NRXN1: variants seen among roughly 807,000 people sequenced by gnomAD.
NRXN1 encodes the protein neurexin 1, also known as neurexin-1.
In NRXN1, 39 loss-of-function variants were observed where a neutral mutation model predicts 150.9. That is an observed-to-expected ratio of 0.26 (90% CI 0.20 to 0.34). The LOEUF (loss-of-function observed/expected upper bound fraction) is 0.34, where lower values mean the gene tolerates loss of function less well. Ranked by LOEUF, NRXN1 falls within the 10% of genes least tolerant of loss-of-function variation. The pLI is 1.00. For missense variants in NRXN1, 1,815 were observed against 1,949.9 expected, an observed-to-expected ratio of 0.93 and a Z score of 1.30; for synonymous variants, 924 against 757.0, an observed-to-expected ratio of 1.22 and a Z score of -3.62.
At chr2:50,485,458 C>T (rs2090800307) in intron 15 of NRXN1, among the ~76,000 whole-genome samples, 1 of 152,228 alleles carries the variant, frequency 6.6e-6, no homozygotes, top group African/African-American at 2.4e-5. Flanking sequence ...AGAGGAGGGT[C>T]TCCTGGAGTG....
intron 17 of NRXN1, among the ~76,000 whole-genome samples, chr2:50,384,911 C>T (rs954778506): frequency 6.6e-6 from 1 of 152,158 alleles, no homozygotes; most frequent in Non-Finnish European, 1.5e-5. Flanking sequence ...TTCTACATTG[C>T]TGTCCCTTAA....
intron 17 of NRXN1, among the ~76,000 whole-genome samples, chr2:50,355,649 T>C (rs1230755331): frequency 6.6e-6 from 1 of 152,200 alleles, no homozygotes; most frequent in Non-Finnish European, 1.5e-5. Flanking sequence ...ATTGCATTAA[T>C]TGTTCTATCA....
At chr2:50,935,875 C>T (rs900498896) in intron 2 of NRXN1, among the ~76,000 whole-genome samples, 6 of 151,786 alleles carry the variant, frequency 4.0e-5, no homozygotes, top group Non-Finnish European at 7.4e-5. Context: ...TAGACTTTGC[C>T]AAGTCTATTT....
At chr2:51,001,635 C>A (rs1005710888) in intron 2 of NRXN1, among the ~76,000 whole-genome samples, 4 of 151,876 alleles carry the variant, frequency 2.6e-5, no homozygotes, top group Non-Finnish European at 5.9e-5. Flanking sequence ...AAAATGTAGG[C>A]ACAGTAAACA....
chr2:50,370,221 G>T (rs1409188954), intron 17 of NRXN1, among the ~76,000 whole-genome samples: 2 of 151,900 alleles, frequency 1.3e-5, no homozygotes, highest in African/African-American at 4.8e-5. Context: ...ATGTTGTTTT[G>T]AGTCTCCATT....
In NRXN1 at chr2:50,495,904, C is replaced by A; in HGVS notation, c.3070+1G>T. The A allele has an allele frequency of 6.3e-7, 1 of 1,592,056 alleles. No individual in the cohort carries two copies. The highest frequency in any genetic ancestry group is 8.6e-7 in the Non-Finnish European group (1 of 1,168,420). On this transcript the variant is annotated splice_donor_variant, in intron 15 of 22. Coordinates refer to ENST00000401669, the MANE Select transcript of NRXN1 (RefSeq NM_001330078.2). LOFTEE classifies it high-confidence loss of function. ...GTTGCTCTGACTTAACATGCACTTACTCTTGAGGTCTAAGTTCCTGGCTCC... is the reference window on the plus strand; with the variant it reads ...GTTGCTCTGACTTAACATGCACTTAATCTTGAGGTCTAAGTTCCTGGCTCC...
chr2:49,955,407 A>G (rs532492678), intron 21 of NRXN1, among the ~76,000 whole-genome samples: 2 of 152,238 alleles, frequency 1.3e-5, no homozygotes, highest in Admixed American at 1.3e-4. Flanking sequence ...CTGGAAATGT[A>G]TGGTAGAGAA....
At chr2:50,172,977 A>G (rs56796460) in intron 18 of NRXN1, among the ~76,000 whole-genome samples, 8,171 of 152,270 alleles carry the variant, frequency 0.054, 728 homozygotes, top group African/African-American at 0.19. Context: ...AAAAAAATAA[A>G]TAAATAAAAA....
chr2:50,113,111 T>C (rs1158513484), intron 18 of NRXN1, among the ~76,000 whole-genome samples: 4 of 152,302 alleles, frequency 2.6e-5, no homozygotes, highest in African/African-American at 4.8e-5. Flanking sequence ...TCAGTGACGA[T>C]CTTGAAGGTA....
At chr2:50,945,773 C>T (rs1690254370) in intron 2 of NRXN1, among the ~76,000 whole-genome samples, 1 of 151,002 alleles carries the variant, frequency 6.6e-6, no homozygotes, top group Non-Finnish European at 1.5e-5. Flanking sequence ...AAGTTAGTCT[C>T]CCTCCTCACA....
At chr2:49,963,049 A>C (rs2104569200) in intron 21 of NRXN1, among the ~76,000 whole-genome samples, 1 of 152,344 alleles carries the variant, frequency 6.6e-6, no homozygotes, top group South Asian at 2.1e-4. Flanking sequence ...GGATTCACTA[A>C]AAATTAAATA....
At chr2:50,727,829 G>A (rs1057251324) in intron 5 of NRXN1, among the ~76,000 whole-genome samples, 3 of 152,108 alleles carry the variant, frequency 2.0e-5, no homozygotes, top group African/African-American at 7.2e-5. Context: ...AATAGAGAAA[G>A]GTGGGTAGAT....
chr2:49,931,390 C>T (rs1670098027), intron 22 of NRXN1, among the ~76,000 whole-genome samples: 1 of 151,960 alleles, frequency 6.6e-6, no homozygotes, highest in Admixed American at 6.6e-5. Flanking sequence ...TCACTTAATC[C>T]CAATGACTAA....
intron 17 of NRXN1, among the ~76,000 whole-genome samples, chr2:50,410,695 G>C (rs1435991877): frequency 6.6e-6 from 1 of 152,130 alleles, no homozygotes; most frequent in African/African-American, 2.4e-5. Flanking sequence ...GTATAAAAAA[G>C]ACATAATGAT....
In NRXN1 at chr2:50,680,849, C is replaced by G. The variant is rs113587143; in HGVS notation, c.833-57234G>C. ...GCTATTCAATTCTCAAATCACTGAG[C>G]AGCATTTACAGTAAAATGACACTCT... On this transcript the variant is annotated intron_variant, in intron 5 of 22. Transcript: ENST00000401669. Among the ~76,000 whole-genome samples, 265 of 152,148 alleles carry G rather than the reference C, an allele frequency of 1.7e-3. 5 individuals carry two copies. The highest frequency in any genetic ancestry group is 6.2e-3 in the African/African-American group (258 of 41,530).
At chr2:50,574,817 G>A (rs1671153879) in intron 8 of NRXN1, among the ~76,000 whole-genome samples, 1 of 152,188 alleles carries the variant, frequency 6.6e-6, no homozygotes, top group African/African-American at 2.4e-5. Flanking sequence ...TACAAATTGT[G>A]CGGCACCCTT....
intron 17 of NRXN1, among the ~76,000 whole-genome samples, chr2:50,348,710 T>C (rs1347272364): frequency 6.6e-6 from 1 of 152,192 alleles, no homozygotes; most frequent in East Asian, 1.9e-4. Flanking sequence ...AATCTAGCAA[T>C]GCAAGTGAAC....
chr2:50,540,663 C>CT (rs869197555), intron 9 of NRXN1, among the ~76,000 whole-genome samples: 75 of 146,710 alleles, frequency 5.1e-4, no homozygotes, highest in African/African-American at 7.0e-4. Flanking sequence ...GTGCCATGTT[C>CT]TTTTTTTTTT....
intron 8 of NRXN1, among the ~76,000 whole-genome samples, chr2:50,557,343 T>G (rs1330527747): frequency 6.6e-6 from 1 of 152,216 alleles, no homozygotes; most frequent in Admixed American, 6.5e-5. Context: ...GTATGCAGGA[T>G]GGTGAAATAA....
Sources: allele counts gnomAD v4.1 joint callset (sites outside exome capture counted in the v4.1 genomes callset), GRCh38; gene constraint gnomAD v4.1.1; transcripts MANE v1.5; gene names NCBI Gene and HGNC (gene_info 2026-07-23, HGNC 2026-07-21).